RAB3GAP2: variants seen among roughly 807,000 people sequenced by gnomAD.
The protein encoded by RAB3GAP2 is rab3 GTPase-activating protein non-catalytic subunit.
A neutral mutation model predicts 185.3 loss-of-function variants in RAB3GAP2; 87 were observed. That is an observed-to-expected ratio of 0.47 (90% CI 0.39 to 0.56). RAB3GAP2 has a LOEUF of 0.56. Among genes scored for constraint, RAB3GAP2 ranks in the 20% least tolerant of loss-of-function variants. The pLI is 0.00. For missense variants in RAB3GAP2, 1,492 were observed against 1,638.2 expected (o/e 0.91, Z 1.54); for synonymous variants, 554 against 576.1 (o/e 0.96, Z 0.55).
In RAB3GAP2 at chr1:220,150,960, A is replaced by G. The variant is rs1387318712; in HGVS notation, c.*291T>C. Reference sequence around the variant, plus strand: ...AAATTATAACCAATTTTAAATAGCAAAGTTTAACAATAAAGCTACTTAAGT... The same window carrying G: ...AAATTATAACCAATTTTAAATAGCAGAGTTTAACAATAAAGCTACTTAAGT... On this transcript the variant is annotated 3_prime_UTR_variant, in exon 35 of 35. Coordinates refer to ENST00000358951, the MANE Select transcript of RAB3GAP2 (RefSeq NM_012414.4). The G allele has an allele frequency of 8.4e-6, 3 of 358,486 alleles. No homozygotes were observed. Among genetic ancestry groups the G allele is most frequent in the Non-Finnish European group, 1.5e-5 (3 of 198,258 alleles). 22.2% of individuals were successfully genotyped at this position (358,486 alleles called of 1,614,324 possible). A position where few individuals can be genotyped will look rare whatever the true frequency, so the allele number is the denominator to read the frequency against.
At chr1:220,217,677 T>C (rs1369735523) in intron 2 of RAB3GAP2, among the ~76,000 whole-genome samples, 2 of 152,186 alleles carry the variant, frequency 1.3e-5, no homozygotes, top group South Asian at 2.1e-4. Flanking sequence ...CAGCATTCCC[T>C]ATCTCTTAAA....
At position 220,158,259 on chromosome 1, in the gene RAB3GAP2, A is replaced by T. The variant is rs1433198883; in HGVS notation, c.3262-383T>A. ...TACACACATGAGAATCTAACCTGAA[A>T]AGCTCCAAGAAAACAGCCTGGTCTG... On this transcript the variant is annotated intron_variant, in intron 29 of 34. Coordinates refer to ENST00000358951, the MANE Select transcript of RAB3GAP2 (RefSeq NM_012414.4). This position sits in a 1 kb window ranked among gnomAD's most constrained non-coding sequence, Gnocchi z 4.3. 6.6e-6 allele frequency among the ~76,000 whole-genome samples: 1 copy of T among 152,078 alleles called. No individual in the cohort carries two copies. Among genetic ancestry groups the T allele is most frequent in the African/African-American group, 2.4e-5 (1 of 41,412 alleles).
intron 19 of RAB3GAP2, 148 bp from the exon 20 acceptor site, chr1:220,183,079 C>A: frequency 1.5e-6 from 1 of 662,850 alleles, no homozygotes; most frequent in Non-Finnish European, 2.6e-6. Context: ...TTACAAATCA[C>A]GTTTCATGAG....
intron 2 of RAB3GAP2, chr1:220,220,699 T>C (rs1659289740): frequency 6.6e-6 from 1 of 152,224 alleles, no homozygotes. Flanking sequence ...AACTGAATTA[T>C]GGAGGTGGGT....
intron 24 of RAB3GAP2, among the ~76,000 whole-genome samples, chr1:220,169,495 T>G (rs1485496739): frequency 6.6e-6 from 1 of 152,174 alleles, no homozygotes; most frequent in East Asian, 1.9e-4. Flanking sequence ...AGCTGGACCT[T>G]GAAAGATAAG....
intron 1 of RAB3GAP2, chr1:220,254,384 C>G (rs1659995864): frequency 8.7e-6 from 14 of 1,612,858 alleles, no homozygotes; most frequent in Admixed American, 1.7e-5. Flanking sequence ...CGAATTGGAG[C>G]AATGTTGGCC....
chr1:220,186,763 T>C (rs998507923), intron 17 of RAB3GAP2, among the ~76,000 whole-genome samples: 1 of 152,142 alleles, frequency 6.6e-6, no homozygotes, highest in African/African-American at 2.4e-5. Context: ...AGAAGTACCA[T>C]TAAAAAAAAG....
intron 1 of RAB3GAP2, among the ~76,000 whole-genome samples, chr1:220,249,769 G>GC (rs1659897028): frequency 6.6e-6 from 1 of 152,176 alleles, no homozygotes; most frequent in South Asian, 2.1e-4. Flanking sequence ...CCCAGCCATG[G>GC]CTAAAAGGGG....
chr1:220,170,315 T>A (rs1658149936), intron 24 of RAB3GAP2, among the ~76,000 whole-genome samples: 1 of 152,108 alleles, frequency 6.6e-6, no homozygotes, highest in African/African-American at 2.4e-5. Context: ...ATACCTAATG[T>A]CGATGATGGG....
At chr1:220,233,446 A>T (rs1659536634) in intron 1 of RAB3GAP2, among the ~76,000 whole-genome samples, 1 of 152,224 alleles carries the variant, frequency 6.6e-6, no homozygotes, top group Admixed American at 6.5e-5. Flanking sequence ...GCAACAAGGA[A>T]TGTAAAAGCC....
chr1:220,226,999 C>A (rs548771909), intron 2 of RAB3GAP2, among the ~76,000 whole-genome samples: 1 of 152,262 alleles, frequency 6.6e-6, no homozygotes, highest in South Asian at 2.1e-4. Context: ...TGTCTGCAAG[C>A]CAGGAAGAAA....
chr1:220,167,647 C>A lies in RAB3GAP2; in HGVS notation c.2835G>T (p.Trp945Cys), dbSNP rs1310139834. ...CAGGGCTGAAGTCCTGTTTAAATAT[C>A]CACTTGGCTACACTGTCTGCAATGC... ...KGGIADSVAK[W>C]IFKQDFSPEV... The change falls in exon 25 of 35, where the codon TGG becomes TGT. Residue 945 changes from tryptophan to cysteine, a missense_variant. Trp to Cys is a radical substitution (Grantham distance 215, BLOSUM62 -2). This residue lies in a region of RAB3GAP2 where 681 missense variants were observed against 689.1 expected (regional missense o/e 0.99). Transcript: ENST00000358951. 2 of 1,613,980 alleles carry A rather than the reference C, an allele frequency of 1.2e-6. No homozygotes were observed. Among genetic ancestry groups the A allele is most frequent in the Non-Finnish European group, 1.7e-6 (2 of 1,179,994 alleles).
At position 220,150,434 on chromosome 1, in the gene RAB3GAP2, AT is replaced by A. The variant is rs1273426785; in HGVS notation, c.*816del. ...TAGGAAAAATAAAGTCGGACTTAAA[AT>A]TTTTAGTATCTTTGCCTTTTTTTTT... On this transcript the variant is annotated 3_prime_UTR_variant, in exon 35 of 35. Coordinates refer to ENST00000358951, the MANE Select transcript of RAB3GAP2 (RefSeq NM_012414.4). The A allele has an allele frequency of 6.7e-6, 1 of 148,602 alleles. No individual in the cohort carries two copies. Among genetic ancestry groups the A allele is most frequent in the Non-Finnish European group, 1.5e-5 (1 of 67,136 alleles). 9.2% of individuals were successfully genotyped at this position (148,602 alleles called of 1,614,324 possible).
chr1:220,190,009 G>A, intron 16 of RAB3GAP2, 55 bp downstream of exon 16: 1 of 1,383,122 alleles, frequency 7.2e-7, no homozygotes. Context: ...ATATTTTATT[G>A]ATTTAAAAGA....
intron 2 of RAB3GAP2, among the ~76,000 whole-genome samples, chr1:220,215,584 G>T (rs1470663558): frequency 1.3e-5 from 2 of 152,036 alleles, no homozygotes; most frequent in Non-Finnish European, 2.9e-5. Context: ...TTGGGTTGAT[G>T]CTCTTTTTCT....
rs1455635897 is a variant in RAB3GAP2 at position 220,202,196 on chromosome 1, G to A, written c.811+80C>T. ...TAATAATAATAAATAAAGAATAAAT[G>A]CCCATTTCTAATAAATGAGATACTT... On this transcript the variant is annotated intron_variant, in intron 9 of 34. Coordinates refer to ENST00000358951, the MANE Select transcript of RAB3GAP2 (RefSeq NM_012414.4). The A allele has an allele frequency of 2.8e-6, 4 of 1,417,504 alleles. No homozygotes were observed. The African/African-American group carries it at 4.3e-5, about 15-fold the overall frequency. The allele number at this position is 1,417,504 out of a possible 1,614,324, so 87.8% of individuals were successfully genotyped here. A position where few individuals can be genotyped will look rare whatever the true frequency, so the allele number is the denominator to read the frequency against.
At chr1:220,237,473 G>A (rs11118509) in intron 1 of RAB3GAP2, among the ~76,000 whole-genome samples, 14,355 of 152,216 alleles carry the variant, frequency 0.094, 1,083 homozygotes, top group African/African-American at 0.21. Context: ...TAAAACCAGC[G>A]TTATAGTTTC....
At chr1:220,197,296 C>T (rs1156432003) in intron 9 of RAB3GAP2, among the ~76,000 whole-genome samples, 3 of 152,040 alleles carry the variant, frequency 2.0e-5, no homozygotes, top group African/African-American at 7.2e-5. Context: ...CCAATATAGG[C>T]GTGTGCTGCT....
At position 220,153,346 on chromosome 1, in the gene RAB3GAP2, C is replaced by G; in HGVS notation, c.3706G>C (p.Asp1236His). 15 of 1,614,206 alleles carry G rather than the reference C, an allele frequency of 9.3e-6. No individual in the cohort carries two copies. The highest frequency in any genetic ancestry group is 1.3e-5 in the Non-Finnish European group (15 of 1,180,036). The stretch of plus-strand genomic sequence containing the variant: ...GTGGGTGTGGCCTCTTCTGTGGGAT[C>G]TTTGACCTTTGTGGCTGAATGTTGG... ...QAQHSATKVK[D>H]PTEEATPTPF... Residue 1236 changes from aspartate to histidine, a missense_variant, in exon 33 of 35, where the codon GAT becomes CAT. Physicochemically the swap from Asp to His is moderately conservative, Grantham distance 81 (BLOSUM62 -1). Around this residue, in one of 5 missense-constraint regions of RAB3GAP2, gnomAD observed 387 missense variants for 455.3 expected, o/e 0.85. Coordinates refer to ENST00000358951, the MANE Select transcript of RAB3GAP2 (RefSeq NM_012414.4).
Sources: allele counts gnomAD v4.1 joint callset (sites outside exome capture counted in the v4.1 genomes callset), GRCh38; gene constraint gnomAD v4.1.1; regional missense constraint gnomAD v4.1.1; non-coding constraint Gnocchi (gnomAD v3.1); transcripts MANE v1.5; gene names NCBI Gene and HGNC (gene_info 2026-07-23, HGNC 2026-07-21).